Variants in ZHX2 observed in about 807,000 individuals in gnomAD.
ZHX2 encodes the protein zinc fingers and homeoboxes 2.
In ZHX2, 6 loss-of-function variants were observed where a neutral mutation model predicts 21.9. The ratio of observed to expected loss-of-function variants is 0.27; its 90% confidence interval spans 0.15 to 0.54. The LOEUF (loss-of-function observed/expected upper bound fraction) is 0.54, where lower values mean the gene tolerates loss of function less well. ZHX2 is among the 20% of genes least tolerant of loss of function. The pLI, the probability that ZHX2 is intolerant of heterozygous loss-of-function variation, is 0.95. For synonymous variants in ZHX2, 434 were observed against 437.1 expected, an observed-to-expected ratio of 0.99 and a Z score of 0.09; for missense variants, 908 against 1,090.7, an observed-to-expected ratio of 0.83 and a Z score of 2.36.
At chr8:122,925,132 G>T (rs1037073810) in intron 2 of ZHX2, among the ~76,000 whole-genome samples, 8 of 152,196 alleles carry the variant, frequency 5.3e-5, no homozygotes, top group Non-Finnish European at 1.5e-5. Flanking sequence ...TTTGAGATTT[G>T]TATCTTCACC....
chr8:122,799,087 G>A (rs1175172282), intron 1 of ZHX2, among the ~76,000 whole-genome samples: 2 of 152,142 alleles, frequency 1.3e-5, no homozygotes, highest in African/African-American at 2.4e-5. Context: ...AACCATACCC[G>A]TGACACAAAC....
intron 1 of ZHX2, among the ~76,000 whole-genome samples, chr8:122,789,868 T>C (rs941505819): frequency 2.0e-5 from 3 of 152,210 alleles, no homozygotes; most frequent in African/African-American, 7.2e-5. Context: ...GAATTGATTC[T>C]GAGTATGTGG....
At chr8:122,810,030 A>G (rs765135045) in intron 1 of ZHX2, among the ~76,000 whole-genome samples, 4 of 152,182 alleles carry the variant, frequency 2.6e-5, no homozygotes, top group Non-Finnish European at 4.4e-5. Flanking sequence ...GACCATGGGC[A>G]TGTATCTGTC....
intron 2 of ZHX2, among the ~76,000 whole-genome samples, chr8:122,887,013 C>CT (rs1819857012): frequency 6.6e-6 from 1 of 151,328 alleles, no homozygotes; most frequent in African/African-American, 2.4e-5. Flanking sequence ...ATCTAATTGA[C>CT]TGCAGGGCTT....
chr8:122,827,587 A>T (rs576728501), intron 1 of ZHX2, among the ~76,000 whole-genome samples: 4 of 152,212 alleles, frequency 2.6e-5, no homozygotes, highest in African/African-American at 7.2e-5. Flanking sequence ...GGTTACCCAG[A>T]TCTGTCTGAC....
intron 1 of ZHX2, among the ~76,000 whole-genome samples, chr8:122,832,698 AAG>A (rs982957326): frequency 2.6e-5 from 4 of 152,140 alleles, no homozygotes; most frequent in East Asian, 1.9e-4. Flanking sequence ...AGTCCTAGAA[AAG>A]AGAGAATTTC....
At position 122,954,356 on chromosome 8, in the gene ZHX2, G is replaced by A. The variant is rs537464057; in HGVS notation, c.*4+328G>A. On this transcript the variant is annotated intron_variant, in intron 3 of 3. Coordinates refer to ENST00000314393, the MANE Select transcript of ZHX2 (RefSeq NM_014943.5). ...AGAGTCTTGCTCTGCCACCCAGGCT[G>A]CAGTGCAGTGGCTCGATCATAGGTC... Among the ~76,000 whole-genome samples the A allele has an allele frequency of 3.3e-5, 5 of 152,284 alleles. No homozygotes were observed. In the East Asian group the frequency reaches 5.8e-4, roughly 18 times the overall value.
At position 122,790,259 on chromosome 8, in the gene ZHX2, G is replaced by T. The variant is rs112223408; in HGVS notation, c.-283+8313G>T. On this transcript the variant is annotated intron_variant, in intron 1 of 3. Coordinates refer to ENST00000314393, the MANE Select transcript of ZHX2 (RefSeq NM_014943.5). ...CTTGAGGAAACTGAGGCCCGGAAAG[G>T]TAAGATAATTGGCCCAAGGTTATAC... Among the ~76,000 whole-genome samples the T allele has an allele frequency of 9.8e-5, 15 of 152,290 alleles. 1 individual carries two copies. Among genetic ancestry groups the T allele is most frequent in the African/African-American group, 3.6e-4 (15 of 41,560 alleles).
intron 1 of ZHX2, among the ~76,000 whole-genome samples, chr8:122,861,523 G>A (rs1819167697): frequency 6.6e-6 from 1 of 152,126 alleles, no homozygotes; most frequent in Non-Finnish European, 1.5e-5. Context: ...TGGTCTGTGA[G>A]TCTATTTAGT....
chr8:122,880,483 G>A (rs183168756), intron 2 of ZHX2, among the ~76,000 whole-genome samples: 57 of 152,096 alleles, frequency 3.7e-4, no homozygotes, highest in Admixed American at 3.1e-3. Flanking sequence ...AGATAGAGAT[G>A]CTCATGAGGG....
chr8:122,829,882 G>A (rs1211352061), intron 1 of ZHX2, among the ~76,000 whole-genome samples: 1 of 152,246 alleles, frequency 6.6e-6, no homozygotes, highest in Non-Finnish European at 1.5e-5. Flanking sequence ...TAGGCAGATT[G>A]TGAAGTGGAG....
At position 122,834,496 on chromosome 8, in the gene ZHX2, G is replaced by A. The variant is rs185853041; in HGVS notation, c.-282-28981G>A. Among the ~76,000 whole-genome samples, 220 of 152,364 alleles carry A rather than the reference G, an allele frequency of 1.4e-3. 1 individual carries two copies. The highest frequency in any genetic ancestry group is 4.9e-3 in the African/African-American group (205 of 41,586). ...GTGGATTGCTAGGAGGCTTCCGTGTGGAGCTATGGCCCCGTGGGCCTGCAG... is the reference window on the plus strand; with the variant it reads ...GTGGATTGCTAGGAGGCTTCCGTGTAGAGCTATGGCCCCGTGGGCCTGCAG... On this transcript the variant is annotated intron_variant, in intron 1 of 3. Transcript: ENST00000314393.
intron 2 of ZHX2, among the ~76,000 whole-genome samples, chr8:122,925,956 G>A (rs1033048424): frequency 5.9e-5 from 9 of 152,216 alleles, no homozygotes; most frequent in African/African-American, 2.2e-4. Context: ...ACACAGAAAT[G>A]GACTTTCTGG....
At chr8:122,834,292 G>A (rs1818449205) in intron 1 of ZHX2, among the ~76,000 whole-genome samples, 1 of 152,228 alleles carries the variant, frequency 6.6e-6, no homozygotes, top group South Asian at 2.1e-4. Context: ...TGAGATCCAA[G>A]TAGGAGGTTT....
At chr8:122,841,769 T>C (rs955519920) in intron 1 of ZHX2, among the ~76,000 whole-genome samples, 3 of 152,198 alleles carry the variant, frequency 2.0e-5, no homozygotes, top group African/African-American at 7.2e-5. Context: ...AGCCTCTTCA[T>C]GTATGTGATT....
At chr8:122,868,075 C>A (rs1189795516) in intron 2 of ZHX2, among the ~76,000 whole-genome samples, 2 of 152,118 alleles carry the variant, frequency 1.3e-5, no homozygotes, top group African/African-American at 4.8e-5. Context: ...CTTTGTGACA[C>A]GATTGAGCCT....
At chr8:122,886,734 G>A (rs1350271651) in intron 2 of ZHX2, among the ~76,000 whole-genome samples, 1 of 152,142 alleles carries the variant, frequency 6.6e-6, no homozygotes, top group African/African-American at 2.4e-5. Context: ...ACTTAACTGA[G>A]TACTTCCAAA....
intron 2 of ZHX2, among the ~76,000 whole-genome samples, chr8:122,895,312 C>T (rs893702415): frequency 1.3e-5 from 2 of 152,174 alleles, no homozygotes; most frequent in South Asian, 4.1e-4. Context: ...GAGAAATGCA[C>T]TTTCTGAGAA....
chr8:122,953,211 G>C lies in ZHX2; in HGVS notation c.1701G>C (p.Lys567Asn), dbSNP rs764870587. 6.2e-7 allele frequency: 1 copy of C among 1,613,906 alleles called. No individual in the cohort carries two copies. The highest frequency in any genetic ancestry group is 2.2e-5 in the East Asian group (1 of 44,842). The change falls in exon 3 of 4, where the codon AAG becomes AAC. Residue 567 changes from lysine to asparagine, a missense_variant. Lys to Asn is a moderately conservative substitution (Grantham distance 94). Around this residue, in one of 4 missense-constraint regions of ZHX2, gnomAD observed 431 missense variants for 428.6 expected, o/e 1.01. Coordinates refer to ENST00000314393, the MANE Select transcript of ZHX2 (RefSeq NM_014943.5). This position sits in a 1 kb window ranked among gnomAD's most constrained non-coding sequence, Gnocchi z 4.6. Reference protein sequence around the residue: ...AELDRLRVETKLSRREIDSWF... With the variant: ...AELDRLRVETNLSRREIDSWF... ...TGGATCGGCTAAGGGTGGAGACCAAGCTGAGCAGGAGAGAGATCGACTCCT... is the reference window on the plus strand; with the variant it reads ...TGGATCGGCTAAGGGTGGAGACCAACCTGAGCAGGAGAGAGATCGACTCCT...
Sources: allele counts gnomAD v4.1 joint callset (sites outside exome capture counted in the v4.1 genomes callset), GRCh38; gene constraint gnomAD v4.1.1; regional missense constraint gnomAD v4.1.1; non-coding constraint Gnocchi (gnomAD v3.1); transcripts MANE v1.5; gene names NCBI Gene and HGNC (gene_info 2026-07-23, HGNC 2026-07-21).